CHI3L1: variants seen among roughly 807,000 people sequenced by gnomAD.
CHI3L1 encodes the protein chitinase 3 like 1.
CHI3L1 carries 30 observed loss-of-function variants against 40.7 expected under a neutral mutation model. The ratio of observed to expected loss-of-function variants is 0.74; its 90% CI spans 0.55 to 1.00. CHI3L1 has a LOEUF of 1.00. Ranked by LOEUF, CHI3L1 falls within the 50% of genes least tolerant of loss-of-function variation. CHI3L1 has a pLI of 0.00. For synonymous variants in CHI3L1, 210 were observed against 192.1 expected (o/e 1.09, Z -0.77); for missense variants, 493 against 492.2 (o/e 1.00, Z -0.01).
intron 1 of CHI3L1, 48 bp downstream of exon 1, chr1:203,186,551 C>T (rs1656059919): frequency 1.2e-6 from 2 of 1,612,608 alleles, no homozygotes; most frequent in Non-Finnish European, 1.7e-6. Flanking sequence ...GCTGTCTGGG[C>T]CTGAAAACCC....
rs1308318959 is a variant in CHI3L1, at chr1:203,179,473, G to A, written c.1124C>T (p.Ala375Val). ...GQDLRFPLTNAIKDALAAT is the reference protein window; with the variant it reads ...GQDLRFPLTNVIKDALAAT ...CGTTGCAGCGAGTGCATCCTTGATG[G>A]CATTGGTGAGAGGGAAGCGCAGATC... Residue 375 changes from alanine to valine, a missense_variant, in exon 10 of 10, where the codon GCC becomes GTC. By Grantham distance (64) the Ala-to-Val change is moderately conservative. Coordinates refer to ENST00000255409, the MANE Select transcript of CHI3L1 (RefSeq NM_001276.4). The A allele has an allele frequency of 6.4e-7, 1 of 1,553,366 alleles. No individual in the cohort carries two copies. Among genetic ancestry groups the A allele is most frequent in the South Asian group, 1.2e-5 (1 of 81,666 alleles).
At chr1:203,182,619 G>A in intron 6 of CHI3L1, 112 bp downstream of exon 6, 1 of 1,233,126 alleles carries the variant, frequency 8.1e-7, no homozygotes, top group Non-Finnish European at 1.2e-6. Flanking sequence ...GGAAGAACTG[G>A]GACTGGAAGC....
intron 8 of CHI3L1, 36 bp from the exon 9 acceptor site, chr1:203,179,913 T>A: frequency 1.2e-6 from 2 of 1,603,336 alleles, no homozygotes; most frequent in Non-Finnish European, 1.7e-6. Flanking sequence ...GTGTGGGGAG[T>A]CGTGCCGAGA....
At chr1:203,181,554 G>C (rs1360304108) in intron 6 of CHI3L1, 1 of 297,068 alleles carries the variant, frequency 3.4e-6, no homozygotes, top group African/African-American at 2.2e-5. Context: ...CCAGGCGGCA[G>C]AGGTTGTGCC....
In CHI3L1 at chr1:203,186,684, C is replaced by T; in HGVS notation, c.-61G>A. The T allele has an allele frequency of 1.2e-6, 2 of 1,602,392 alleles. No homozygotes were observed. The highest frequency in any genetic ancestry group is 1.1e-5 in the South Asian group (1 of 90,842). On this transcript the variant is annotated 5_prime_UTR_variant, in exon 1 of 10. Transcript: ENST00000255409. ...TTCCCTTGCCCACGGCTCCTGGTGC[C>T]AGCTACCTAGACAGGGCCTCTTCCC...
rs745787522 is a variant in CHI3L1 at position 203,186,672 on chromosome 1, G to A, written c.-49C>T. ...GGGTGTGGCCTCTTCCCTTGCCCAC[G>A]GCTCCTGGTGCCAGCTACCTAGACA... On this transcript the variant is annotated 5_prime_UTR_variant, in exon 1 of 10. Coordinates refer to ENST00000255409, the MANE Select transcript of CHI3L1 (RefSeq NM_001276.4). 5.0e-6 allele frequency: 8 copies of A among 1,611,854 alleles called. No homozygotes were observed. In the East Asian group the frequency reaches 8.9e-5, roughly 18 times the overall value.
In CHI3L1 at chr1:203,182,755, C is replaced by G; in HGVS notation, c.563G>C (p.Ser188Thr). ...CTGGGATATCTTGGCAATGTCATAG[C>G]TGCTGTCAATGGTGACCTTCCCCGC... ...LSAGKVTIDS[S>T]YDIAKISQHL... The change falls in exon 6 of 10, where the codon AGC becomes ACC. Residue 188 changes from serine to threonine, a missense_variant. Ser to Thr is a moderately conservative substitution (Grantham distance 58). Coordinates refer to ENST00000255409, the MANE Select transcript of CHI3L1 (RefSeq NM_001276.4). The G allele has an allele frequency of 6.2e-7, 1 of 1,614,158 alleles. No homozygotes were observed. Among genetic ancestry groups the G allele is most frequent in the Non-Finnish European group, 8.5e-7 (1 of 1,180,026 alleles).
At chr1:203,186,216 C>A (rs1415444585) in intron 2 of CHI3L1, 100 bp downstream of exon 2, 12 of 1,311,238 alleles carry the variant, frequency 9.2e-6, no homozygotes, top group South Asian at 1.3e-5. Flanking sequence ...CACAGAAGAA[C>A]CTGGCAAAGT....
At position 203,185,225 on chromosome 1, in the gene CHI3L1, A is replaced by G; in HGVS notation, c.216T>C (p.Asn72=). The change falls in exon 3 of 10, where the codon AAT becomes AAC. Residue 72 remains asparagine, a synonymous_variant. Coordinates refer to ENST00000255409, the MANE Select transcript of CHI3L1 (RefSeq NM_001276.4). ...TGAGCATGCCGTAGAGCGTCACATC[A>G]TTCCACTCCCAGGTGTCGATGTGAT... is the stretch of plus-strand genomic sequence containing the variant. ...SNDHIDTWEW[N]DVTLYGMLNT... The G allele has an allele frequency of 6.2e-7, 1 of 1,614,078 alleles. No individual in the cohort carries two copies. Among genetic ancestry groups the G allele is most frequent in the Non-Finnish European group, 8.5e-7 (1 of 1,179,986 alleles).
chr1:203,185,365 A>C lies in CHI3L1; in HGVS notation c.76T>G (p.Cys26Gly). 1 of 1,614,138 alleles carries C rather than the reference A, an allele frequency of 6.2e-7. No individual in the cohort carries two copies. Among genetic ancestry groups the C allele is most frequent in the Non-Finnish European group, 8.5e-7 (1 of 1,180,038 alleles). ...TACTGGGACCAGCTGGTGTAGTAGC[A>C]GACCAGTTTGTATGCAGAGCCTGAA... is the stretch of plus-strand genomic sequence containing the variant. ...LQCCSAYKLVCYYTSWSQYRE... is the reference protein window; with the variant it reads ...LQCCSAYKLVGYYTSWSQYRE... Residue 26 changes from cysteine to glycine, a missense_variant, in exon 3 of 10, where the codon TGC becomes GGC. Cys to Gly is a radical substitution (Grantham distance 159). Coordinates refer to ENST00000255409, the MANE Select transcript of CHI3L1 (RefSeq NM_001276.4).
At chr1:203,185,411 C>G (rs1571829889) in intron 2 of CHI3L1, 26 bp from the exon 3 acceptor site, 1 of 1,609,234 alleles carries the variant, frequency 6.2e-7, no homozygotes, top group East Asian at 2.2e-5. Flanking sequence ...GGGATGGGGC[C>G]CGGGCCAGGA....
chr1:203,180,340 C>T (rs1043701434), intron 8 of CHI3L1, 130 bp downstream of exon 8: 5 of 862,412 alleles, frequency 5.8e-6, no homozygotes, highest in African/African-American at 5.2e-5. Context: ...TCCACTTCCT[C>T]AGGCATGCTG....
chr1:203,183,009 T>A (rs951887966), intron 5 of CHI3L1, among the ~76,000 whole-genome samples, 157 bp from the exon 6 acceptor site: 4 of 152,068 alleles, frequency 2.6e-5, no homozygotes, highest in African/African-American at 9.7e-5. Context: ...AGTGGTCCCA[T>A]CCTCAAGTCA....
chr1:203,182,884 G>C (rs1655966068), intron 5 of CHI3L1, 32 bp from the exon 6 acceptor site: 1 of 1,612,082 alleles, frequency 6.2e-7, no homozygotes, highest in African/African-American at 1.3e-5. Context: ...GAGAGAAAGG[G>C]TCCCAAGTGG....
At chr1:203,180,399 T>C in intron 8 of CHI3L1, 71 bp downstream of exon 8, 2 of 1,345,362 alleles carry the variant, frequency 1.5e-6, no homozygotes, top group Non-Finnish European at 2.0e-6. Context: ...AGCAAGAACG[T>C]GGTGGGGAAT....
intron 8 of CHI3L1, 91 bp from the exon 9 acceptor site, chr1:203,179,968 C>T: frequency 8.5e-7 from 1 of 1,181,334 alleles, no homozygotes; most frequent in African/African-American, 1.5e-5. Context: ...TCTCTTTTAG[C>T]TCCTGCTCCA....
rs752460776 is a variant in CHI3L1, at chr1:203,184,602, G to A, written c.288C>T (p.Val96=). The change falls in exon 4 of 10, where the codon GTC becomes GTT. Residue 96 remains valine, a synonymous_variant. Coordinates refer to ENST00000255409, the MANE Select transcript of CHI3L1 (RefSeq NM_001276.4). The stretch of plus-strand genomic sequence containing the variant: ...TTTGAGACCCAAAGTTCCATCCTCC[G>A]ACAGACAAGAGAGTCTTCAGGTTGG... ...RNPNLKTLLS[V]GGWNFGSQRF... 111 of 1,613,872 alleles carry A rather than the reference G, an allele frequency of 6.9e-5. No individual in the cohort carries two copies. Among genetic ancestry groups the A allele is most frequent in the South Asian group, 5.3e-4 (48 of 91,076 alleles).
In CHI3L1 at chr1:203,179,240, A is replaced by G. The variant is rs1199305033; in HGVS notation, c.*205T>C. ...CCCGAGTCTTACATTGCGATGCCTC[A>G]CTATCCCCACAGCCCCATCCCTACC... On this transcript the variant is annotated 3_prime_UTR_variant, in exon 10 of 10. Coordinates refer to ENST00000255409, the MANE Select transcript of CHI3L1 (RefSeq NM_001276.4). 2.2e-6 allele frequency: 1 copy of G among 463,356 alleles called. No individual in the cohort carries two copies. The highest frequency in any genetic ancestry group is 3.8e-6 in the Non-Finnish European group (1 of 262,646). 28.7% of individuals were successfully genotyped at this position (463,356 alleles called of 1,614,324 possible). A position where few individuals can be genotyped will look rare whatever the true frequency, so the allele number is the denominator to read the frequency against.
intron 5 of CHI3L1, 122 bp downstream of exon 5, chr1:203,183,519 G>T (rs1311147669): frequency 5.9e-6 from 6 of 1,012,570 alleles, no homozygotes; most frequent in Non-Finnish European, 9.0e-6. Flanking sequence ...CCAGGACACT[G>T]CCCTGAGGCT....
Sources: gnomAD v4.1 joint callset for allele counts (sites outside exome capture counted in the v4.1 genomes callset) on GRCh38, gnomAD v4.1.1 for gene constraint, MANE v1.5 for transcripts, NCBI Gene and HGNC (gene_info 2026-07-23, HGNC 2026-07-21) for gene names.